The following PCBP2 variants were observed in gnomAD, a reference collection of about 807,000 sequenced individuals.
PCBP2 encodes the protein poly(rC) binding protein 2.
Under a neutral mutation model 50.1 loss-of-function variants are expected in PCBP2, and 4 were observed. The ratio of observed to expected loss-of-function variants is 0.08; its 90% CI spans 0.04 to 0.18. The LOEUF is 0.18. Among genes scored for constraint, PCBP2 ranks in the 10% least tolerant of loss-of-function variants. PCBP2 has a pLI of 1.00. For synonymous variants in PCBP2, 179 were observed against 168.0 expected (o/e 1.07, Z -0.51); for missense variants, 161 against 474.3 (o/e 0.34, Z 6.14).
chr12:53,467,384 C>T lies in PCBP2; in HGVS notation c.787+91C>T, dbSNP rs756277993. On this transcript the variant is annotated intron_variant, in intron 11 of 14. Coordinates refer to ENST00000546463, the MANE Select transcript of PCBP2 (RefSeq NM_031989.5). ...CAGCTTGACATCTGTTTAAAACAAACTTCGTTATCCAGCATCCTGCTGGTT... is the reference window on the plus strand; with the variant it reads ...CAGCTTGACATCTGTTTAAAACAAATTTCGTTATCCAGCATCCTGCTGGTT... The T allele has an allele frequency of 6.6e-6, 7 of 1,060,584 alleles. No individual in the cohort carries two copies. In the South Asian group the frequency reaches 8.8e-5, roughly 13 times the overall value. 65.7% of individuals were successfully genotyped at this position (1,060,584 alleles called of 1,614,324 possible).
At chr12:53,453,991 C>G (rs1370370076) in intron 1 of PCBP2, among the ~76,000 whole-genome samples, 4 of 152,124 alleles carry the variant, frequency 2.6e-5, no homozygotes, top group Non-Finnish European at 5.9e-5. Flanking sequence ...GAAATAAAAA[C>G]TGGATGGTAA....
At chr12:53,469,401 G>A (rs945203078) in intron 13 of PCBP2, among the ~76,000 whole-genome samples, 3 of 152,018 alleles carry the variant, frequency 2.0e-5, no homozygotes, top group East Asian at 1.9e-4. Context: ...GAGGTATGAC[G>A]AGACAGCAGT....
chr12:53,455,745 G>GAGC (rs752778562), intron 4 of PCBP2, 140 bp from the exon 5 acceptor site: 34 of 713,418 alleles, frequency 4.8e-5, no homozygotes, highest in Non-Finnish European at 8.3e-5. Context: ...GATAGTCATG[G>GAGC]AGCAGTAGTG....
chr12:53,461,933 T>C (rs1013221683), intron 7 of PCBP2, among the ~76,000 whole-genome samples: 1 of 152,096 alleles, frequency 6.6e-6, no homozygotes, highest in Non-Finnish European at 1.5e-5. Context: ...GGTCTTGAAC[T>C]CCTGAGCTCA....
At chr12:53,467,775 C>T in intron 11 of PCBP2, 30 bp from the exon 12 acceptor site, 2 of 1,596,394 alleles carry the variant, frequency 1.3e-6, no homozygotes, top group Non-Finnish European at 1.7e-6. Context: ...GATGAGACCA[C>T]CAAACTCATT....
At chr12:53,465,446 T>C (rs943026138) in intron 9 of PCBP2, among the ~76,000 whole-genome samples, 2 of 152,178 alleles carry the variant, frequency 1.3e-5, no homozygotes, top group Non-Finnish European at 2.9e-5. Context: ...TTAAGGTCTT[T>C]AGGCAGATAG....
At chr12:53,464,131 G>A (rs1263619109) in intron 8 of PCBP2, among the ~76,000 whole-genome samples, 1 of 152,192 alleles carries the variant, frequency 6.6e-6, no homozygotes, top group Non-Finnish European at 1.5e-5. Context: ...TTTAGCCTTA[G>A]GAGTTTTTCT....
intron 14 of PCBP2, among the ~76,000 whole-genome samples, chr12:53,472,653 T>G (rs1173009691): frequency 6.6e-6 from 1 of 152,240 alleles, no homozygotes; most frequent in Admixed American, 6.5e-5. Flanking sequence ...GTGTTTAATC[T>G]CTTTGTCATA....
intron 6 of PCBP2, chr12:53,459,877 C>G (rs1415509067): frequency 4.4e-6 from 2 of 454,454 alleles, no homozygotes; most frequent in African/African-American, 4.0e-5. Context: ...CCTCTCATCT[C>G]AGCCTCCCAA....
chr12:53,469,054 C>T (rs1180218717), intron 13 of PCBP2, among the ~76,000 whole-genome samples: 3 of 151,878 alleles, frequency 2.0e-5, no homozygotes, highest in Non-Finnish European at 2.9e-5. Flanking sequence ...AGGCATGTGC[C>T]ACCATGCCTG....
At chr12:53,477,593 G>A (rs1032925989) in intron 14 of PCBP2, among the ~76,000 whole-genome samples, 5 of 148,292 alleles carry the variant, frequency 3.4e-5, no homozygotes, top group African/African-American at 1.2e-4. Context: ...GTGAACCTGG[G>A]AGGCGGAGCT....
chr12:53,470,556 C>T (rs763991490), intron 13 of PCBP2, among the ~76,000 whole-genome samples: 60 of 151,682 alleles, frequency 4.0e-4, no homozygotes, highest in Non-Finnish European at 7.5e-4. Context: ...AGGTGCATGC[C>T]ACTATCCCTG....
intron 14 of PCBP2, 66 bp downstream of exon 14, chr12:53,471,873 C>A: frequency 7.0e-7 from 1 of 1,427,764 alleles, no homozygotes; most frequent in Non-Finnish European, 9.6e-7. Flanking sequence ...GGGAGAGCTG[C>A]AGTGTATTAA....
At chr12:53,456,212 G>A (rs1683152) in intron 5 of PCBP2, among the ~76,000 whole-genome samples, 98,945 of 151,892 alleles carry the variant, frequency 0.65, 32,665 homozygotes, top group Middle Eastern at 0.72. Context: ...CATGGCTGTA[G>A]TCCCAGCACT....
chr12:53,468,687 C>T (rs1941986591), intron 12 of PCBP2, 90 bp from the exon 13 acceptor site: 2 of 983,582 alleles, frequency 2.0e-6, no homozygotes, highest in Non-Finnish European at 3.3e-6. Context: ...GCTGGGTTTC[C>T]AGTTTATTTC....
At chr12:53,459,955 T>C (rs1941333052) in intron 6 of PCBP2, 1 of 435,950 alleles carries the variant, frequency 2.3e-6, no homozygotes, top group Admixed American at 2.4e-5. Flanking sequence ...AATGGTGTTT[T>C]GCCATGTGGC....
At chr12:53,456,024 A>G (rs1940982316) in intron 5 of PCBP2, 23 bp downstream of exon 5, 2 of 1,372,652 alleles carry the variant, frequency 1.5e-6, no homozygotes, top group East Asian at 4.6e-5. Context: ...CCACTCCCTC[A>G]TTCTTCATTT....
Position 53,452,159 on chromosome 12 carries a change from C to CCCGCCCT in PCBP2, c.-286_-280dup, listed in dbSNP as rs1940567982. ...CGCAGCCTGCGCCCTCTCCCGCCCGCCCGCCCTCCGCCCGCCCGCCCGCCC... is the reference window on the plus strand; with the variant it reads ...CGCAGCCTGCGCCCTCTCCCGCCCGCCCGCCCTCCGCCCTCCGCCCGCCCGCCCGCCC... On this transcript the variant is annotated 5_prime_UTR_variant, in exon 1 of 15. Transcript: ENST00000546463. The CCCGCCCT allele has an allele frequency of 7.6e-6, 1 of 132,166 alleles. No individual in the cohort carries two copies. Among genetic ancestry groups the CCCGCCCT allele is most frequent in the Non-Finnish European group, 1.7e-5 (1 of 60,396 alleles). 8.2% of individuals were successfully genotyped at this position (132,166 alleles called of 1,614,324 possible).
At chr12:53,478,370 T>G (rs1942792166) in intron 14 of PCBP2, among the ~76,000 whole-genome samples, 1 of 151,916 alleles carries the variant, frequency 6.6e-6, no homozygotes, top group African/African-American at 2.4e-5. Flanking sequence ...TAGCTGGGCA[T>G]GGTGACAGCT....
Sources: gnomAD v4.1 joint callset for allele counts (sites outside exome capture counted in the v4.1 genomes callset) on GRCh38, gnomAD v4.1.1 for gene constraint, MANE v1.5 for transcripts, NCBI Gene and HGNC (gene_info 2026-07-23, HGNC 2026-07-21) for gene names.